The following SMAD3 variants were observed in gnomAD, a reference collection of about 807,000 sequenced individuals.
The protein encoded by SMAD3 is MAD homolog 3.
SMAD3 carries 12 observed loss-of-function variants against 51.8 expected under a neutral mutation model. The observed-to-expected ratio is 0.23, with a 90% CI of 0.15 to 0.38. The LOEUF is 0.38. SMAD3 is among the 10% of genes least tolerant of loss of function. The pLI, the probability that SMAD3 is intolerant of heterozygous loss-of-function variation, is 1.00. For synonymous variants in SMAD3, 238 were observed against 227.7 expected (o/e 1.05, Z -0.41); for missense variants, 294 against 565.6 (o/e 0.52, Z 4.87).
In SMAD3 at chr15:67,193,988, ACAC is replaced by A. The variant is rs1963436059; in HGVS notation, c.*3456_*3458del. ...TCTCCACAGGGCCGGAGCTCAGGTT[ACAC>A]CACTCCTTCGTCCTTACAGGAGATG... is the stretch of plus-strand genomic sequence containing the variant. On this transcript the variant is annotated 3_prime_UTR_variant, in exon 9 of 9. Transcript: ENST00000327367. 4.3e-6 allele frequency: 1 copy of A among 233,178 alleles called. No homozygotes were observed. The highest frequency in any genetic ancestry group is 5.6e-5 in the Admixed American group (1 of 17,774). 14.4% of individuals were successfully genotyped at this position (233,178 alleles called of 1,614,324 possible). A position where few individuals can be genotyped will look rare whatever the true frequency, so the allele number is the denominator to read the frequency against.
intron 1 of SMAD3, among the ~76,000 whole-genome samples, chr15:67,161,744 G>A (rs973968852): frequency 5.3e-5 from 8 of 152,324 alleles, no homozygotes; most frequent in African/African-American, 1.9e-4. Flanking sequence ...ACGCTAATTT[G>A]TGGGTGTTTA....
chr15:67,141,757 A>G (rs560133787), intron 1 of SMAD3, among the ~76,000 whole-genome samples: 49 of 151,840 alleles, frequency 3.2e-4, no homozygotes, highest in African/African-American at 1.1e-3. Context: ...CCTTGAGTCC[A>G]CCCCCCATAC....
intron 5 of SMAD3, among the ~76,000 whole-genome samples, chr15:67,175,590 C>A (rs2118616): frequency 1.3e-5 from 2 of 152,156 alleles, no homozygotes; most frequent in Admixed American, 1.3e-4. Flanking sequence ...ACCCTCCCCC[C>A]AGGGTGCCAC....
At chr15:67,069,451 G>T (rs1172375431) in intron 1 of SMAD3, among the ~76,000 whole-genome samples, 1 of 152,144 alleles carries the variant, frequency 6.6e-6, no homozygotes. Flanking sequence ...ATGAGAGTTG[G>T]TGTGTGAGCG....
chr15:67,187,967 C>T (rs1361599420), intron 8 of SMAD3, among the ~76,000 whole-genome samples: 1 of 152,014 alleles, frequency 6.6e-6, no homozygotes, highest in Non-Finnish European at 1.5e-5. Flanking sequence ...GCTCATTGTT[C>T]CTCTCCTCCT....
At chr15:67,074,005 C>T (rs533023822) in intron 1 of SMAD3, among the ~76,000 whole-genome samples, 11 of 152,312 alleles carry the variant, frequency 7.2e-5, no homozygotes, top group East Asian at 3.9e-4. Context: ...CCCAGTTGCA[C>T]GCATCTAGTT....
At chr15:67,157,700 C>T (rs768838193) in intron 1 of SMAD3, among the ~76,000 whole-genome samples, 1 of 152,120 alleles carries the variant, frequency 6.6e-6, no homozygotes, top group Non-Finnish European at 1.5e-5. Context: ...ATGAGGTGGG[C>T]CCCAGCCCCA....
rs768529580 is a variant in SMAD3 at position 67,184,715 on chromosome 15, G to C, written c.872-12G>C. ...AAAGGCACCCTGTCCAGTCTAACCT[G>C]AATCTCTGTAGGAAGAGGCGTGCGG... On this transcript the variant is annotated splice_polypyrimidine_tract_variant and intron_variant, in intron 6 of 8. Transcript: ENST00000327367. 8.7e-6 allele frequency: 14 copies of C among 1,613,816 alleles called. No homozygotes were observed. The African/African-American group carries it at 1.1e-4, about 12-fold the overall frequency.
chr15:67,187,234 C>T (rs958616570), intron 7 of SMAD3, 131 bp from the exon 8 acceptor site: 37 of 1,097,116 alleles, frequency 3.4e-5, no homozygotes, highest in African/African-American at 4.6e-5. Flanking sequence ...GCAAATGCAT[C>T]ACACACCATG....
In SMAD3 at chr15:67,120,231, G is replaced by T. The variant is rs141097840; in HGVS notation, c.207-44664G>T. 4.1e-3 allele frequency among the ~76,000 whole-genome samples: 624 copies of T among 152,286 alleles called. 2 individuals carry two copies. Among genetic ancestry groups the T allele is most frequent in the African/African-American group, 0.014 (576 of 41,546 alleles). ...ACTGGGTACTTTATGGGAAAAAGAG[G>T]AACAGTGTGGGACAGACTTTGCCCT... On this transcript the variant is annotated intron_variant, in intron 1 of 8. Coordinates refer to ENST00000327367, the MANE Select transcript of SMAD3 (RefSeq NM_005902.4).
chr15:67,104,057 G>T (rs1007818925), intron 1 of SMAD3, among the ~76,000 whole-genome samples: 7 of 152,166 alleles, frequency 4.6e-5, no homozygotes, highest in Non-Finnish European at 7.3e-5. Context: ...ATTTTTAAAA[G>T]TGCCTGCCTC....
chr15:67,114,137 G>A (rs8038623), intron 1 of SMAD3, among the ~76,000 whole-genome samples: 35,765 of 152,030 alleles, frequency 0.24, 4,753 homozygotes, highest in East Asian at 0.53. Context: ...AGAGATGGCC[G>A]TCACTTTGGA....
intron 1 of SMAD3, among the ~76,000 whole-genome samples, chr15:67,112,139 CT>C (rs920801642): frequency 1.3e-5 from 1 of 79,696 alleles, no homozygotes; most frequent in Non-Finnish European, 2.5e-5. Context: ...TTAGCCATTT[CT>C]TTTTTTTTCT....
chr15:67,191,701 A>G lies in SMAD3; in HGVS notation c.*1165A>G, dbSNP rs567052377. 3.2e-4 allele frequency: 74 copies of G among 231,598 alleles called. 1 individual carries two copies. Among genetic ancestry groups the G allele is most frequent in the Middle Eastern group, 2.6e-3 (2 of 774 alleles). 14.3% of individuals were successfully genotyped at this position (231,598 alleles called of 1,614,324 possible). A position where few individuals can be genotyped will look rare whatever the true frequency, so the allele number is the denominator to read the frequency against. ...AGCTGAAATTTACAGAAGCAAATTC[A>G]CCAGAAGGGAAACATCTCAGGCCAA... On this transcript the variant is annotated 3_prime_UTR_variant, in exon 9 of 9. Transcript: ENST00000327367.
At chr15:67,152,573 C>A (rs894336254) in intron 1 of SMAD3, among the ~76,000 whole-genome samples, 1 of 152,114 alleles carries the variant, frequency 6.6e-6, no homozygotes, top group Non-Finnish European at 1.5e-5. Flanking sequence ...CCCATCAGAA[C>A]GTTGCCAAGG....
intron 1 of SMAD3, among the ~76,000 whole-genome samples, chr15:67,160,631 C>A (rs1962400274): frequency 6.6e-6 from 1 of 151,862 alleles, no homozygotes; most frequent in Admixed American, 6.6e-5. Context: ...ATTAGCCGGG[C>A]GCGGTGCCAG....
At chr15:67,162,946 G>GTGATGATGA (rs57597599) in intron 1 of SMAD3, among the ~76,000 whole-genome samples, 262 of 145,444 alleles carry the variant, frequency 1.8e-3, no homozygotes, top group Middle Eastern at 6.9e-3. Flanking sequence ...GTAGGTTTCT[G>GTGATGATGA]TGATGATGAT....
Position 67,137,943 on chromosome 15 carries a change from A to G in SMAD3, c.207-26952A>G, listed in dbSNP as rs558176739. The stretch of plus-strand genomic sequence containing the variant: ...CGACAGAGAAAATAGGAGGTACTAG[A>G]ATTCGGACTTCTAGGAAGGGCTGTA... On this transcript the variant is annotated intron_variant, in intron 1 of 8. Transcript: ENST00000327367. 2.6e-4 allele frequency: 247 copies of G among 962,336 alleles called. 2 individuals carry two copies. The South Asian group carries it at 3.2e-3, about 13-fold the overall frequency. The allele number at this position is 962,336 out of a possible 1,614,324, so 59.6% of individuals were successfully genotyped here. A position where few individuals can be genotyped will look rare whatever the true frequency, so the allele number is the denominator to read the frequency against.
intron 1 of SMAD3, among the ~76,000 whole-genome samples, chr15:67,143,289 A>G (rs538915072): frequency 1.3e-5 from 2 of 152,360 alleles, no homozygotes; most frequent in South Asian, 4.1e-4. Context: ...ATTAGAACAT[A>G]TTAAGGCAGC....
Sources: gnomAD v4.1 joint callset for allele counts (sites outside exome capture counted in the v4.1 genomes callset) on GRCh38, gnomAD v4.1.1 for gene constraint, MANE v1.5 for transcripts, NCBI Gene and HGNC (gene_info 2026-07-23, HGNC 2026-07-21) for gene names.